Variants in CDH12 observed in about 807,000 individuals in gnomAD.
CDH12 encodes the protein cadherin 12.
CDH12 carries 41 observed loss-of-function variants against 74.1 expected under a neutral mutation model. The ratio of observed to expected loss-of-function variants is 0.55; its 90% CI spans 0.43 to 0.72. The LOEUF (loss-of-function observed/expected upper bound fraction) is 0.72. Ranked by LOEUF, CDH12 falls within the 30% of genes least tolerant of loss-of-function variation. The pLI, the probability that CDH12 is intolerant of heterozygous loss-of-function variation, is 0.00. For missense variants in CDH12, 945 were observed against 977.2 expected (o/e 0.97, Z 0.44); for synonymous variants, 399 against 355.0 (o/e 1.12, Z -1.39).
chr5:21,903,827 G>A (rs546180638), intron 6 of CDH12, among the ~76,000 whole-genome samples: 7 of 152,230 alleles, frequency 4.6e-5, no homozygotes, highest in Non-Finnish European at 7.4e-5. Context: ...TAGATGGAAA[G>A]TAGGAGCCAA....
intron 1 of CDH12, among the ~76,000 whole-genome samples, chr5:22,653,881 C>T (rs1367721086): frequency 4.6e-5 from 7 of 152,272 alleles, no homozygotes; most frequent in East Asian, 3.9e-4. Context: ...TTCAAGTCTC[C>T]GAGCTTATCC....
At chr5:22,411,640 T>C (rs548259793) in intron 2 of CDH12, among the ~76,000 whole-genome samples, 41 of 152,144 alleles carry the variant, frequency 2.7e-4, no homozygotes, top group African/African-American at 9.1e-4. Flanking sequence ...ACGAAATTGA[T>C]TGAATTATAT....
rs1034476843 is a variant in CDH12, at chr5:22,264,203, G to GT, written c.-332-51561dup. ...CTTACTTTACATATATTTGATTGTG[G>GT]TTTTTTTTACTGAATACAACTATTA... is the stretch of plus-strand genomic sequence containing the variant. On this transcript the variant is annotated intron_variant, in intron 3 of 14. Coordinates refer to ENST00000382254, the MANE Select transcript of CDH12 (RefSeq NM_004061.5). 4.6e-4 allele frequency among the ~76,000 whole-genome samples: 70 copies of GT among 151,422 alleles called. 1 individual carries two copies. Among genetic ancestry groups the GT allele is most frequent in the Middle Eastern group, 3.4e-3 (1 of 292 alleles).
chr5:22,354,746 GT>G (rs1740492611), intron 3 of CDH12, among the ~76,000 whole-genome samples: 1 of 152,100 alleles, frequency 6.6e-6, no homozygotes, highest in Non-Finnish European at 1.5e-5. Context: ...AAAGAAAGAG[GT>G]GACCACGGTT....
intron 3 of CDH12, among the ~76,000 whole-genome samples, chr5:22,321,780 C>T (rs2150437645): frequency 6.6e-6 from 1 of 151,598 alleles, no homozygotes; most frequent in African/African-American, 2.4e-5. Context: ...TAGTGCAGAC[C>T]TTTTATTCAG....
At chr5:22,404,454 C>G (rs1159833456) in intron 3 of CDH12, among the ~76,000 whole-genome samples, 2 of 151,830 alleles carry the variant, frequency 1.3e-5, no homozygotes, top group Non-Finnish European at 2.9e-5. Flanking sequence ...CATCAAGAAG[C>G]CTGCCCTTTT....
intron 3 of CDH12, among the ~76,000 whole-genome samples, chr5:22,256,251 T>A (rs879809534): frequency 6.6e-6 from 1 of 152,112 alleles, no homozygotes; most frequent in Non-Finnish European, 1.5e-5. Context: ...ATGTGCCACA[T>A]AACAGTGTTC....
intron 1 of CDH12, among the ~76,000 whole-genome samples, chr5:22,659,008 G>T (rs1740211056): frequency 6.6e-6 from 1 of 152,020 alleles, no homozygotes; most frequent in African/African-American, 2.4e-5. Context: ...AATTTATCTA[G>T]CTGTTTTAGT....
intron 1 of CDH12, among the ~76,000 whole-genome samples, chr5:22,649,816 T>C (rs556896082): frequency 3.3e-5 from 5 of 151,992 alleles, no homozygotes; most frequent in Non-Finnish European, 7.4e-5. Flanking sequence ...TATCCATTAT[T>C]AGAGAACCTC....
chr5:21,868,100 G>A (rs540868356), intron 6 of CDH12, among the ~76,000 whole-genome samples: 15 of 152,052 alleles, frequency 9.9e-5, no homozygotes, highest in Admixed American at 4.6e-4. Context: ...GCCTTTCACC[G>A]TCCACCATGA....
In CDH12 at chr5:21,751,652, G is replaced by GTGTGTGTGTA. The variant is rs59633526; in HGVS notation, c.*84_*85insTACACACACA. On this transcript the variant is annotated 3_prime_UTR_variant, in exon 15 of 15. Transcript: ENST00000382254. ...TGTGTTTGTGTGTGTGTGTGTGTGTGAGAGAGATTTCTATTAATATTTGTG... is the reference window on the plus strand; with the variant it reads ...TGTGTTTGTGTGTGTGTGTGTGTGTGTGTGTGTGTAAGAGAGATTTCTATTAATATTTGTG... 7.9e-6 allele frequency: 8 copies of GTGTGTGTGTA among 1,014,820 alleles called. No individual in the cohort carries two copies. The East Asian group carries it at 1.7e-4, about 21-fold the overall frequency. 62.9% of individuals were successfully genotyped at this position (1,014,820 alleles called of 1,614,324 possible).
At chr5:22,511,574 C>G (rs1224163701) in intron 1 of CDH12, among the ~76,000 whole-genome samples, 1 of 152,152 alleles carries the variant, frequency 6.6e-6, no homozygotes, top group African/African-American at 2.4e-5. Flanking sequence ...AAGATAATGT[C>G]TGAAATTATC....
intron 4 of CDH12, among the ~76,000 whole-genome samples, chr5:22,133,350 C>T (rs1373122231): frequency 1.3e-5 from 2 of 152,062 alleles, no homozygotes; most frequent in Non-Finnish European, 2.9e-5. Context: ...TTAGTGAATT[C>T]TCATATCCAT....
intron 1 of CDH12, among the ~76,000 whole-genome samples, chr5:22,628,664 C>T (rs1738422398): frequency 6.6e-6 from 1 of 151,980 alleles, no homozygotes; most frequent in Non-Finnish European, 1.5e-5. Context: ...CTCAAATGAA[C>T]AACATAACAT....
At chr5:22,108,662 CTCA>C (rs1157806207) in intron 4 of CDH12, among the ~76,000 whole-genome samples, 2 of 152,170 alleles carry the variant, frequency 1.3e-5, no homozygotes, top group Non-Finnish European at 2.9e-5. Flanking sequence ...TAGATAGGAA[CTCA>C]TCATATGGGC....
chr5:21,917,615 C>A (rs1010053666), intron 6 of CDH12, among the ~76,000 whole-genome samples: 1 of 152,068 alleles, frequency 6.6e-6, no homozygotes, highest in East Asian at 1.9e-4. Flanking sequence ...TGTGATGAAA[C>A]TAACAAGTGT....
chr5:21,875,362 TA>T (rs929716450), intron 6 of CDH12, among the ~76,000 whole-genome samples: 4 of 152,208 alleles, frequency 2.6e-5, no homozygotes, highest in African/African-American at 9.6e-5. Flanking sequence ...AAAATGCATA[TA>T]AATTTCTTAG....
chr5:22,529,400 T>C (rs1379682939), intron 1 of CDH12, among the ~76,000 whole-genome samples: 1 of 151,924 alleles, frequency 6.6e-6, no homozygotes, highest in African/African-American at 2.4e-5. Flanking sequence ...GCCTAAATTC[T>C]GACAGGCTCA....
chr5:22,010,893 C>G (rs1737257360), intron 5 of CDH12, among the ~76,000 whole-genome samples: 1 of 152,030 alleles, frequency 6.6e-6, no homozygotes, highest in Non-Finnish European at 1.5e-5. Context: ...GGCCCAATCC[C>G]TATTCATTTG....
Sources: allele counts gnomAD v4.1 joint callset (sites outside exome capture counted in the v4.1 genomes callset), GRCh38; gene constraint gnomAD v4.1.1; transcripts MANE v1.5; gene names NCBI Gene and HGNC (gene_info 2026-07-23, HGNC 2026-07-21).